FBXW11: variants seen among roughly 807,000 people sequenced by gnomAD.
FBXW11 encodes F-box/WD repeat-containing protein 11.
FBXW11 carries 19 observed loss-of-function variants against 77.6 expected under a neutral mutation model. The observed-to-expected ratio is 0.24, with a 90% CI of 0.17 to 0.36. The LOEUF (loss-of-function observed/expected upper bound fraction) is 0.36, where lower values mean the gene tolerates loss of function less well. FBXW11 is among the 10% of genes least tolerant of loss of function. The probability of loss-of-function intolerance (pLI) is 1.00; values close to 1 mark genes in which losing one functional copy is unlikely to be tolerated. For synonymous variants in FBXW11, 235 were observed against 249.4 expected, an observed-to-expected ratio of 0.94 and a Z score of 0.54; for missense variants, 334 against 704.2, an observed-to-expected ratio of 0.47 and a Z score of 5.95.
chr5:171,964,475 T>G lies in FBXW11; in HGVS notation c.46-6777A>C, dbSNP rs1474141607. Among the ~76,000 whole-genome samples, 5 of 152,316 alleles carry G rather than the reference T, an allele frequency of 3.3e-5. No homozygotes were observed. The East Asian group carries it at 7.7e-4, about 24-fold the overall frequency. ...CTAGACTTGACAGCTAGAGTCCCCA[T>G]TCAGTTTCTGCTGAAGACTGCCAAA... is the stretch of plus-strand genomic sequence containing the variant. On this transcript the variant is annotated intron_variant, in intron 1 of 13. Coordinates refer to ENST00000517395, the MANE Select transcript of FBXW11 (RefSeq NM_001378974.1).
intron 1 of FBXW11, among the ~76,000 whole-genome samples, chr5:171,976,365 C>T (rs1045302618): frequency 6.6e-6 from 1 of 152,054 alleles, no homozygotes; most frequent in Non-Finnish European, 1.5e-5. Context: ...GTAGAAATAG[C>T]CTTTTGATAT....
intron 2 of FBXW11, among the ~76,000 whole-genome samples, chr5:171,950,216 C>T (rs1189207226): frequency 6.6e-6 from 1 of 151,896 alleles, no homozygotes; most frequent in Admixed American, 6.6e-5. Context: ...TTTTAAAGTA[C>T]ACCTTAAACA....
At chr5:171,874,589 C>T (rs1465136117) in intron 9 of FBXW11, among the ~76,000 whole-genome samples, 1 of 152,058 alleles carries the variant, frequency 6.6e-6, no homozygotes, top group African/African-American at 2.4e-5. Context: ...TATAAGAGTG[C>T]TATCCAGTGC....
At position 171,914,339 on chromosome 5, in the gene FBXW11, C is replaced by T. The variant is rs765103775; in HGVS notation, c.210+4G>A. On this transcript the variant is annotated splice_donor_region_variant and intron_variant, in intron 3 of 13. Coordinates refer to ENST00000517395, the MANE Select transcript of FBXW11 (RefSeq NM_001378974.1). ...CTATCTAATCTGTGCGCCGTCATTC[C>T]TACCTGCCAAAGAGTATTTTTCTTT... The T allele has an allele frequency of 1.9e-5, 30 of 1,602,392 alleles. No homozygotes were observed. Among genetic ancestry groups the T allele is most frequent in the Non-Finnish European group, 2.6e-5 (30 of 1,174,550 alleles).
chr5:171,992,998 G>A (rs1033103840), intron 1 of FBXW11, among the ~76,000 whole-genome samples: 1 of 151,964 alleles, frequency 6.6e-6, no homozygotes, highest in African/African-American at 2.4e-5. Context: ...TCCCAAACCT[G>A]TAAGTCAAGT....
chr5:171,940,044 T>C (rs1469704296), intron 2 of FBXW11, among the ~76,000 whole-genome samples: 5 of 152,198 alleles, frequency 3.3e-5, no homozygotes, highest in African/African-American at 1.2e-4. Flanking sequence ...TTTACTGTTA[T>C]ATTATTATTT....
rs143154013 is a variant in FBXW11 at position 171,963,823 on chromosome 5, G to T, written c.46-6125C>A. 9.8e-3 allele frequency among the ~76,000 whole-genome samples: 1,486 copies of T among 152,246 alleles called. 9 individuals are homozygous for T. The highest frequency in any genetic ancestry group is 0.016 in the Non-Finnish European group (1,118 of 67,998). ...CTCGTGGAGAATATTTGCCGCAAACGATAAAAGAAGTCTGCTCAACAGTAA... is the reference window on the plus strand; with the variant it reads ...CTCGTGGAGAATATTTGCCGCAAACTATAAAAGAAGTCTGCTCAACAGTAA... On this transcript the variant is annotated intron_variant, in intron 1 of 13. Coordinates refer to ENST00000517395, the MANE Select transcript of FBXW11 (RefSeq NM_001378974.1).
chr5:171,962,168 T>C (rs1360866052), intron 1 of FBXW11, among the ~76,000 whole-genome samples: 2 of 152,182 alleles, frequency 1.3e-5, no homozygotes, highest in Non-Finnish European at 2.9e-5. Context: ...AGAATACCCC[T>C]GATACCATGG....
At chr5:171,883,532 AAAAT>A (rs890250944) in intron 7 of FBXW11, among the ~76,000 whole-genome samples, 2 of 152,238 alleles carry the variant, frequency 1.3e-5, no homozygotes, top group African/African-American at 4.8e-5. Context: ...TATAATAAAA[AAAAT>A]AAAAGAAAAA....
At chr5:171,868,871 G>C in intron 12 of FBXW11, 75 bp from the exon 13 acceptor site, 1 of 1,390,528 alleles carries the variant, frequency 7.2e-7, no homozygotes, top group Non-Finnish European at 9.7e-7. Context: ...AAACTGGGCA[G>C]AAGATGAAAA....
At chr5:171,896,936 T>C (rs1488856202) in intron 6 of FBXW11, among the ~76,000 whole-genome samples, 4 of 152,138 alleles carry the variant, frequency 2.6e-5, no homozygotes, top group African/African-American at 9.7e-5. Context: ...CTCTATATAT[T>C]CTGTTTTATT....
chr5:171,907,414 T>C (rs1760596831), intron 4 of FBXW11, among the ~76,000 whole-genome samples: 1 of 152,158 alleles, frequency 6.6e-6, no homozygotes, highest in South Asian at 2.1e-4. Context: ...CATAAGTTGC[T>C]CCACACATTA....
At chr5:171,996,825 T>G (rs1766083811) in intron 1 of FBXW11, 1 of 1,125,932 alleles carries the variant, frequency 8.9e-7, no homozygotes, top group African/African-American at 1.6e-5. Flanking sequence ...AGGGAAAATA[T>G]TTTTCAAAAT....
chr5:171,891,890 C>A (rs10058906), intron 6 of FBXW11, among the ~76,000 whole-genome samples: 1 of 152,176 alleles, frequency 6.6e-6, no homozygotes, highest in African/African-American at 2.4e-5. Flanking sequence ...GTTTAAAGAA[C>A]GCCGTTTGCA....
chr5:171,870,947 C>T (rs1757716707), intron 10 of FBXW11, 89 bp from the exon 11 acceptor site: 1 of 810,996 alleles, frequency 1.2e-6, no homozygotes, highest in Non-Finnish European at 2.1e-6. Flanking sequence ...CATACAGATA[C>T]AATTTTTCAC....
At chr5:171,945,844 C>T (rs939460696) in intron 2 of FBXW11, among the ~76,000 whole-genome samples, 4 of 152,166 alleles carry the variant, frequency 2.6e-5, no homozygotes, top group African/African-American at 9.7e-5. Context: ...TCTTTCATTT[C>T]ATCATGAACT....
At chr5:172,005,931 C>A (rs935097642) in intron 1 of FBXW11, among the ~76,000 whole-genome samples, 2 of 152,064 alleles carry the variant, frequency 1.3e-5, no homozygotes, top group Admixed American at 6.6e-5. Context: ...GCCCCCCCAG[C>A]TCTGTAGGGC....
chr5:171,893,421 CAAAA>C (rs397999920), intron 6 of FBXW11, among the ~76,000 whole-genome samples: 44 of 39,840 alleles, frequency 1.1e-3, no homozygotes, highest in South Asian at 3.7e-3. Flanking sequence ...ACTTCAAAAC[CAAAA>C]AAAAAAAAAA....
intron 7 of FBXW11, among the ~76,000 whole-genome samples, chr5:171,886,876 C>T (rs901515279): frequency 1.3e-5 from 2 of 151,914 alleles, no homozygotes; most frequent in Non-Finnish European, 2.9e-5. Flanking sequence ...TTAGCCAGGC[C>T]TGGTGGCAGG....
Sources: allele counts gnomAD v4.1 joint callset (sites outside exome capture counted in the v4.1 genomes callset), GRCh38; gene constraint gnomAD v4.1.1; transcripts MANE v1.5; gene names NCBI Gene and HGNC (gene_info 2026-07-23, HGNC 2026-07-21).